The following CFAP52 variants were observed in gnomAD, a reference collection of about 807,000 sequenced individuals.
CFAP52 encodes the protein cilia and flagella associated protein 52, also known as cilia- and flagella-associated protein 52.
CFAP52 carries 57 observed loss-of-function variants against 70.5 expected under a neutral mutation model. The observed-to-expected ratio is 0.81, with a 90% confidence interval of 0.65 to 1.01. CFAP52 has a LOEUF of 1.01. Ranked by LOEUF, CFAP52 falls within the 50% of genes least tolerant of loss-of-function variation. The probability of loss-of-function intolerance (pLI) is 0.00; values close to 1 mark genes in which losing one functional copy is unlikely to be tolerated. For missense variants in CFAP52, 785 were observed against 788.5 expected (o/e 1.00, Z 0.05); for synonymous variants, 267 against 292.5 (o/e 0.91, Z 0.89).
At chr17:9,609,448 T>C (rs1909633888) in intron 7 of CFAP52, among the ~76,000 whole-genome samples, 1 of 152,090 alleles carries the variant, frequency 6.6e-6, no homozygotes, top group African/African-American at 2.4e-5. Flanking sequence ...CAATCCCAGC[T>C]CTTTGGGAGG....
chr17:9,580,899 A>C (rs1908194963), intron 1 of CFAP52, among the ~76,000 whole-genome samples: 1 of 152,240 alleles, frequency 6.6e-6, no homozygotes, highest in South Asian at 2.1e-4. Flanking sequence ...TTGAGCTTTT[A>C]AGAACTTGAA....
intron 9 of CFAP52, among the ~76,000 whole-genome samples, chr17:9,630,662 C>T (rs1221799896): frequency 6.6e-6 from 1 of 150,848 alleles, no homozygotes; most frequent in Non-Finnish European, 1.5e-5. Flanking sequence ...GATCTCCTGA[C>T]CTCGTGATCC....
chr17:9,616,686 T>C (rs1340526230), intron 8 of CFAP52, among the ~76,000 whole-genome samples: 2 of 149,748 alleles, frequency 1.3e-5, no homozygotes, highest in Non-Finnish European at 3.0e-5. Flanking sequence ...AGTGGGTCCC[T>C]GACCCCTGAC....
intron 3 of CFAP52, among the ~76,000 whole-genome samples, chr17:9,588,535 T>C (rs12602714): frequency 0.58 from 88,782 of 151,956 alleles, 29,865 homozygotes; most frequent in Non-Finnish European, 0.77. Flanking sequence ...TCCACCTGCC[T>C]ACAGCCCCCG....
At chr17:9,639,961 A>G (rs531098011) in intron 12 of CFAP52, among the ~76,000 whole-genome samples, 1 of 152,332 alleles carries the variant, frequency 6.6e-6, no homozygotes, top group African/African-American at 2.4e-5. Flanking sequence ...CCTGAGAAAC[A>G]TGGGTTCTGG....
chr17:9,645,370 G>T (rs1041497924), downstream of CFAP52: 49 of 254,666 alleles, frequency 1.9e-4, no homozygotes, highest in African/African-American at 1.0e-3. This position sits in a 1 kb window ranked among gnomAD's most constrained non-coding sequence, Gnocchi z 6.8. Context: ...ATCCGACCAC[G>T]AAGACTCCCA....
chr17:9,579,859 C>T lies in CFAP52; in HGVS notation c.70+3094C>T, dbSNP rs138015662. On this transcript the variant is annotated intron_variant, in intron 1 of 13. Transcript: ENST00000352665. ...CTGGGATTACAGGCGTGAGCCACTG[C>T]GACTGGCCTTAAACTTGAATTTTAA... Among the ~76,000 whole-genome samples the T allele has an allele frequency of 5.6e-3, 850 of 152,286 alleles. 12 individuals are homozygous for T. Among genetic ancestry groups the T allele is most frequent in the East Asian group, 0.024 (126 of 5,190 alleles).
intron 7 of CFAP52, 126 bp downstream of exon 7, chr17:9,608,345 A>G: frequency 1.4e-6 from 1 of 739,174 alleles, no homozygotes; most frequent in Non-Finnish European, 2.0e-6. Flanking sequence ...TTGCTGTTAG[A>G]ATGAGTAGTT....
In CFAP52 at chr17:9,633,053, G is replaced by GA. The variant is rs1442131276; in HGVS notation, c.1320+26dup. On this transcript the variant is annotated intron_variant, in intron 10 of 13. Coordinates refer to ENST00000352665, the MANE Select transcript of CFAP52 (RefSeq NM_145054.5). ...GGGGAGGTATTGAAAGCAGAAATTT[G>GA]AAAAAATAACGCTCTGTTTAGAACA... 2 of 1,606,966 alleles carry GA rather than the reference G, an allele frequency of 1.2e-6. No individual in the cohort carries two copies. Among genetic ancestry groups the GA allele is most frequent in the African/African-American group, 2.7e-5 (2 of 74,584 alleles).
Position 9,600,088 on chromosome 17 carries a change from T to C in CFAP52, c.658T>C (p.Phe220Leu). The change falls in exon 6 of 14, where the codon TTC becomes CTC. Residue 220 changes from phenylalanine (F) to leucine (L), a missense_variant. Transcript: ENST00000352665. ...TCAGGTGGATGATGATGATAGCTTT[T>C]TCTACCTTGGCACCACGACTGGAGA... ...SIGVDDDDSF[F>L]YLGTTTGDIL... The C allele has an allele frequency of 6.2e-7, 1 of 1,613,746 alleles. No individual in the cohort carries two copies. Among genetic ancestry groups the C allele is most frequent in the Non-Finnish European group, 8.5e-7 (1 of 1,179,790 alleles).
chr17:9,633,202 A>G (rs903067834), intron 10 of CFAP52, among the ~76,000 whole-genome samples, 169 bp downstream of exon 10: 1 of 152,194 alleles, frequency 6.6e-6, no homozygotes, highest in African/African-American at 2.4e-5. Flanking sequence ...TTCTAATATT[A>G]TAAATGTATA....
At chr17:9,583,394 G>A (rs1208702602) in intron 1 of CFAP52, among the ~76,000 whole-genome samples, 1 of 151,920 alleles carries the variant, frequency 6.6e-6, no homozygotes, top group African/African-American at 2.4e-5. Context: ...AAATATAAAA[G>A]AAGCATTCAT....
chr17:9,610,655 C>G (rs1212461124), intron 7 of CFAP52, among the ~76,000 whole-genome samples: 1 of 152,142 alleles, frequency 6.6e-6, no homozygotes, highest in East Asian at 1.9e-4. Flanking sequence ...CTGCCTCAGG[C>G]TCCCGAGTAA....
intron 1 of CFAP52, among the ~76,000 whole-genome samples, chr17:9,581,559 G>A (rs1318258037): frequency 1.3e-5 from 2 of 151,640 alleles, no homozygotes; most frequent in East Asian, 3.9e-4. Flanking sequence ...GGGAGGGAGG[G>A]ACAGAGGGAG....
chr17:9,607,986 T>G (rs901695190), intron 6 of CFAP52, 133 bp from the exon 7 acceptor site: 8 of 612,630 alleles, frequency 1.3e-5, no homozygotes, highest in African/African-American at 1.3e-4. Context: ...TTTCTTTTTT[T>G]CATTAATATT....
chr17:9,597,947 T>G (rs1342406445), intron 4 of CFAP52, among the ~76,000 whole-genome samples: 1 of 152,182 alleles, frequency 6.6e-6, no homozygotes, highest in African/African-American at 2.4e-5. Flanking sequence ...TACTTGTGTG[T>G]TTGTTTTCAG....
downstream of CFAP52, among the ~76,000 whole-genome samples, chr17:9,644,454 A>G (rs950781546): frequency 6.6e-6 from 1 of 151,952 alleles, no homozygotes; most frequent in Non-Finnish European, 1.5e-5. Context: ...ACAACAAGTA[A>G]CATTTCAGAG....
intron 9 of CFAP52, among the ~76,000 whole-genome samples, chr17:9,630,426 A>T (rs1295332539): frequency 1.6e-5 from 2 of 127,816 alleles, no homozygotes; most frequent in South Asian, 5.2e-4. Flanking sequence ...AATTTTTGTA[A>T]TTTTTTTTTT....
intron 10 of CFAP52, among the ~76,000 whole-genome samples, chr17:9,634,467 A>C (rs1258263518): frequency 6.6e-6 from 1 of 152,212 alleles, no homozygotes; most frequent in Non-Finnish European, 1.5e-5. Flanking sequence ...CAACATGGCC[A>C]AACCCTGTCT....
Sources: gnomAD v4.1 joint callset for allele counts (sites outside exome capture counted in the v4.1 genomes callset) on GRCh38, gnomAD v4.1.1 for gene constraint, Gnocchi (gnomAD v3.1) non-coding constraint, MANE v1.5 for transcripts, NCBI Gene and HGNC (gene_info 2026-07-23, HGNC 2026-07-21) for gene names.